The following DNAH9 variants were observed in gnomAD, a reference collection of about 807,000 sequenced individuals.
DNAH9 encodes dynein axonemal heavy chain 9.
In DNAH9, 345 loss-of-function variants were observed where a neutral mutation model predicts 471.6. The observed-to-expected ratio is 0.73, with a 90% CI of 0.67 to 0.80. The LOEUF (loss-of-function observed/expected upper bound fraction) is 0.80, where lower values mean the gene tolerates loss of function less well. Ranked by LOEUF, DNAH9 falls within the 30% of genes least tolerant of loss-of-function variation. The probability of loss-of-function intolerance (pLI) is 0.00; values close to 1 mark genes in which losing one functional copy is unlikely to be tolerated. For synonymous variants in DNAH9, 2,093 were observed against 2,123.6 expected (o/e 0.99, Z 0.40); for missense variants, 5,407 against 5,609.2 (o/e 0.96, Z 1.15).
At position 11,781,043 on chromosome 17, in the gene DNAH9, C is replaced by G. The variant is rs761799844; in HGVS notation, c.7587C>G (p.Gly2529=). ...AGAAGCCTCTGGAAAAGAAGGCTGG[C>G]AGAAACTATGGCCCTCCAGGGAACA... The part of the protein sequence containing the change: ...VLEKPLEKKA[G]RNYGPPGNKK... Residue 2529 remains glycine, a synonymous_variant, in exon 39 of 69, where the codon GGC becomes GGG. Coordinates refer to ENST00000262442, the MANE Select transcript of DNAH9 (RefSeq NM_001372.4). 5.6e-6 allele frequency: 9 copies of G among 1,613,978 alleles called. No homozygotes were observed. Among genetic ancestry groups the G allele is most frequent in the Non-Finnish European group, 7.6e-6 (9 of 1,180,008 alleles).
chr17:11,923,295 T>C (rs1974199708), intron 61 of DNAH9, among the ~76,000 whole-genome samples: 1 of 151,986 alleles, frequency 6.6e-6, no homozygotes. Flanking sequence ...CAGGCTGGTC[T>C]TGAACTCCTG....
At chr17:11,961,794 G>T in intron 67 of DNAH9, 73 bp from the exon 68 acceptor site, 1 of 1,512,248 alleles carries the variant, frequency 6.6e-7, no homozygotes, top group Non-Finnish European at 8.9e-7. Flanking sequence ...ATGAGCCAGG[G>T]GTCTCTGAGG....
chr17:11,601,803 C>T (rs905108791), intron 1 of DNAH9, among the ~76,000 whole-genome samples: 3 of 152,108 alleles, frequency 2.0e-5, no homozygotes, highest in South Asian at 2.1e-4. Flanking sequence ...TTCCTTCCAC[C>T]TCCCCATGCA....
In DNAH9 at chr17:11,768,586, T is replaced by C. The variant is rs761332407; in HGVS notation, c.7304T>C (p.Leu2435Pro). ...AAGAAATTCGAGCCTTGGTCCAAGC[T>C]CGTCCCCCAGTTCGAATTTGACCCC... ...ETKKFEPWSK[L>P]VPQFEFDPEM... is the part of the protein sequence containing the mutation. Residue 2435 changes from leucine (L) to proline (P), a missense_variant, in exon 37 of 69, where the codon CTC (leucine) becomes CCC (proline). By Grantham distance (98) the Leu-to-Pro change is moderately conservative. Coordinates refer to ENST00000262442, the MANE Select transcript of DNAH9 (RefSeq NM_001372.4). 1 of 1,614,070 alleles carries C rather than the reference T, an allele frequency of 6.2e-7. No individual in the cohort carries two copies. Among genetic ancestry groups the C allele is most frequent in the Non-Finnish European group, 8.5e-7 (1 of 1,180,020 alleles).
intron 17 of DNAH9, among the ~76,000 whole-genome samples, chr17:11,676,693 A>G (rs1253618400): frequency 6.6e-6 from 1 of 152,116 alleles, no homozygotes; most frequent in Non-Finnish European, 1.5e-5. Flanking sequence ...TTTTATTTCA[A>G]TAATTTATTC....
chr17:11,705,201 A>C lies in DNAH9; in HGVS notation c.5552+16A>C, dbSNP rs758921204. The C allele has an allele frequency of 2.5e-5, 40 of 1,612,552 alleles. No individual in the cohort carries two copies. The highest frequency in any genetic ancestry group is 3.2e-5 in the Non-Finnish European group (38 of 1,178,902). On this transcript the variant is annotated intron_variant, in intron 26 of 68. Coordinates refer to ENST00000262442, the MANE Select transcript of DNAH9 (RefSeq NM_001372.4). ...TGACTGACAGGTGAGCACTGGTGTC[A>C]ACCACTGACAGCCTTACTGCTGTCT...
chr17:11,949,630 C>A (rs142397776), intron 67 of DNAH9, among the ~76,000 whole-genome samples: 1 of 151,952 alleles, frequency 6.6e-6, no homozygotes, highest in Non-Finnish European at 1.5e-5. Flanking sequence ...TACAGGCATG[C>A]GCCAGCATGC....
intron 23 of DNAH9, among the ~76,000 whole-genome samples, 167 bp downstream of exon 23, chr17:11,700,050 G>C (rs1388875253): frequency 6.6e-6 from 1 of 152,232 alleles, no homozygotes; most frequent in Non-Finnish European, 1.5e-5. Flanking sequence ...TGGAGCAGCA[G>C]CTGGCGCCCT....
intron 51 of DNAH9, among the ~76,000 whole-genome samples, chr17:11,871,014 C>T (rs1415005796): frequency 6.6e-6 from 1 of 152,166 alleles, no homozygotes; most frequent in Non-Finnish European, 1.5e-5. Context: ...CGCCATACCA[C>T]TAACAGTCCT....
intron 10 of DNAH9, among the ~76,000 whole-genome samples, chr17:11,642,069 G>A (rs1024499698): frequency 6.6e-5 from 10 of 152,202 alleles, no homozygotes; most frequent in Admixed American, 5.2e-4. Context: ...GGGAGGCAGC[G>A]GTACTTCTGC....
At chr17:11,872,856 C>T (rs1972334277) in intron 52 of DNAH9, among the ~76,000 whole-genome samples, 1 of 152,174 alleles carries the variant, frequency 6.6e-6, no homozygotes, top group Non-Finnish European at 1.5e-5. Flanking sequence ...GGAGGCGAAG[C>T]TTGCAGTGAG....
intron 45 of DNAH9, among the ~76,000 whole-genome samples, chr17:11,820,033 G>T (rs1970254317): frequency 1.3e-5 from 2 of 151,856 alleles, no homozygotes; most frequent in African/African-American, 2.4e-5. Flanking sequence ...ATTTGAAAGA[G>T]AATATTTTAG....
At chr17:11,831,830 G>T (rs1404240600) in intron 48 of DNAH9, among the ~76,000 whole-genome samples, 1 of 152,020 alleles carries the variant, frequency 6.6e-6, no homozygotes, top group Non-Finnish European at 1.5e-5. Flanking sequence ...AGAAGGGATG[G>T]TCACCCACCA....
intron 17 of DNAH9, among the ~76,000 whole-genome samples, chr17:11,677,979 C>G (rs1413979456): frequency 1.3e-5 from 2 of 149,898 alleles, no homozygotes; most frequent in Non-Finnish European, 3.0e-5. Context: ...AGATTGCTCT[C>G]TATTATTTAT....
chr17:11,808,686 T>A (rs1370623706), intron 44 of DNAH9, among the ~76,000 whole-genome samples: 1 of 152,216 alleles, frequency 6.6e-6, no homozygotes. Context: ...GATAGTGTGA[T>A]AGGAATTACA....
intron 21 of DNAH9, 55 bp downstream of exon 21, chr17:11,694,053 C>T: frequency 6.3e-7 from 1 of 1,595,310 alleles, no homozygotes; most frequent in South Asian, 1.1e-5. Flanking sequence ...TTCCTTTTCC[C>T]CATCGTCTCT....
chr17:11,598,624 C>T lies in DNAH9; in HGVS notation c.126C>T (p.Ala42=). The change falls in exon 1 of 69, where the codon GCC becomes GCT. Residue 42 remains alanine (A), a synonymous_variant. Transcript: ENST00000262442. The stretch of plus-strand genomic sequence containing the variant: ...TGAGCCTGCGGCCGGCTGCGGGCGC[C>T]TGGGAGCGTTGCGCGGGGAGTGCTG... ...VAMSLRPAAG[A]WERCAGSAEA... 1 of 1,343,644 alleles carries T rather than the reference C, an allele frequency of 7.4e-7. No homozygotes were observed. The highest frequency in any genetic ancestry group is 9.5e-7 in the Non-Finnish European group (1 of 1,051,974). The allele number at this position is 1,343,644 out of a possible 1,614,324, so 83.2% of individuals were successfully genotyped here.
chr17:11,757,832 G>C, intron 35 of DNAH9, 140 bp downstream of exon 35: 1 of 872,226 alleles, frequency 1.1e-6, no homozygotes, highest in Non-Finnish European at 1.7e-6. Context: ...ATGGCAGATG[G>C]CAAAGGGGAC....
At chr17:11,733,959 G>A (rs921285032) in intron 28 of DNAH9, among the ~76,000 whole-genome samples, 18 of 152,032 alleles carry the variant, frequency 1.2e-4, no homozygotes, top group African/African-American at 4.3e-4. Flanking sequence ...GGACCATAGA[G>A]GCTGGAAAAA....
Sources: allele counts gnomAD v4.1 joint callset (sites outside exome capture counted in the v4.1 genomes callset), GRCh38; gene constraint gnomAD v4.1.1; transcripts MANE v1.5; gene names NCBI Gene and HGNC (gene_info 2026-07-23, HGNC 2026-07-21).